The following SEMA4D variants were observed in gnomAD, a reference collection of about 807,000 sequenced individuals.
SEMA4D encodes semaphorin-4D.
A neutral mutation model predicts 74.8 loss-of-function variants in SEMA4D; 22 were observed. That is an observed-to-expected ratio of 0.29 (90% confidence interval 0.21 to 0.42). The LOEUF is 0.42. Among genes scored for constraint, SEMA4D ranks in the 10% least tolerant of loss-of-function variants. The probability of loss-of-function intolerance (pLI) is 1.00; values close to 1 mark genes in which losing one functional copy is unlikely to be tolerated. For synonymous variants in SEMA4D, 445 were observed against 463.7 expected (o/e 0.96, Z 0.52); for missense variants, 937 against 1,118.4 (o/e 0.84, Z 2.31).
At chr9:89,370,402 G>C (rs1281840424) in intron 16 of SEMA4D, among the ~76,000 whole-genome samples, 1 of 150,014 alleles carries the variant, frequency 6.7e-6, no homozygotes, top group Non-Finnish European at 1.5e-5. Flanking sequence ...CGTGGCGTGT[G>C]GTGTGTGTGG....
intron 4 of SEMA4D, among the ~76,000 whole-genome samples, chr9:89,401,321 T>G (rs1408962621): frequency 6.6e-6 from 1 of 152,220 alleles, no homozygotes; most frequent in East Asian, 1.9e-4. Flanking sequence ...CCTCCCACAG[T>G]GTTAGGATAA....
At chr9:89,386,556 A>G (rs1488462269) in intron 12 of SEMA4D, 74 bp from the exon 13 acceptor site, 11 of 883,084 alleles carry the variant, frequency 1.2e-5, no homozygotes, top group Non-Finnish European at 9.4e-6. Flanking sequence ...ACAGCGGCAA[A>G]CTTCACACTC....
At chr9:89,485,511 G>C (rs947214487) in intron 1 of SEMA4D, among the ~76,000 whole-genome samples, 4 of 152,248 alleles carry the variant, frequency 2.6e-5, no homozygotes, top group Admixed American at 2.6e-4. Flanking sequence ...TAACCGGGCT[G>C]GGCACGGTGG....
chr9:89,380,955 AAAAC>A, intron 15 of SEMA4D, 96 bp downstream of exon 15: 1 of 1,440,044 alleles, frequency 6.9e-7, no homozygotes, highest in Non-Finnish European at 9.7e-7. Context: ...TGGAGAAAGA[AAAAC>A]AAAACACACA....
chr9:89,414,026 C>G (rs554681031), intron 2 of SEMA4D, among the ~76,000 whole-genome samples: 2 of 152,280 alleles, frequency 1.3e-5, no homozygotes, highest in African/African-American at 2.4e-5. Flanking sequence ...GAACCATGAA[C>G]CAAAATGCCA....
rs1286357432 is a variant in SEMA4D at position 89,461,123 on chromosome 9, G to GAA, written c.-309-5171_-309-5170insTT. ...ACGAAAGAAAATGTGCATCTCACTG[G>GAA]AGGTCAGAAAAATGCAGATTAAAGC... is the stretch of plus-strand genomic sequence containing the variant. On this transcript the variant is annotated intron_variant, in intron 1 of 15. Transcript: ENST00000422704. Among the ~76,000 whole-genome samples, 724 of 152,160 alleles carry GAA rather than the reference G, an allele frequency of 4.8e-3. 4 individuals are homozygous for GAA. The highest frequency in any genetic ancestry group is 0.017 in the African/African-American group (692 of 41,504).
rs188383591 is a variant in SEMA4D, at chr9:89,470,962, G to A, written c.-309-15009C>T. Among the ~76,000 whole-genome samples, 3 of 152,288 alleles carry A rather than the reference G, an allele frequency of 2.0e-5. No homozygotes were observed. In the East Asian group the frequency reaches 5.8e-4, roughly 29 times the overall value. On this transcript the variant is annotated intron_variant, in intron 1 of 15. Coordinates refer to ENST00000422704, the MANE Select transcript of SEMA4D (RefSeq NM_001371194.2). Reference sequence around the variant, plus strand: ...TAGAATTTCTCTGTATTCTAACTGTGGTCGTGGTTACACCATCTGCACATG... The same window carrying A: ...TAGAATTTCTCTGTATTCTAACTGTAGTCGTGGTTACACCATCTGCACATG...
chr9:89,391,303 C>T lies in SEMA4D; in HGVS notation c.735G>A (p.Val245=). ...FTEVSVEYEF[V]FRVLIPRIAR... is the part of the protein sequence containing the mutation. ...CTATCCGTGGGATCAGCACCCTGAA[C>T]ACAAACTCATACTCCACAGACACCT... The change falls in exon 9 of 16, where the codon GTG becomes GTA. Residue 245 remains valine (V), a synonymous_variant. Transcript: ENST00000422704. The T allele has an allele frequency of 1.2e-6, 2 of 1,614,254 alleles. No homozygotes were observed. Among genetic ancestry groups the T allele is most frequent in the South Asian group, 1.1e-5 (1 of 91,090 alleles).
chr9:89,376,806 A>G (rs1375052831), downstream of SEMA4D: 3 of 1,537,832 alleles, frequency 2.0e-6, no homozygotes, highest in Non-Finnish European at 2.6e-6. Context: ...TGGACAGGGC[A>G]CAGGGGACAG....
At chr9:89,400,658 C>T (rs1842004967) in intron 4 of SEMA4D, among the ~76,000 whole-genome samples, 1 of 152,192 alleles carries the variant, frequency 6.6e-6, no homozygotes, top group African/African-American at 2.4e-5. Flanking sequence ...CTTCCTTCAG[C>T]ATTTAAAGTA....
intron 1 of SEMA4D, among the ~76,000 whole-genome samples, chr9:89,462,526 C>G (rs1398833442): frequency 6.6e-6 from 1 of 152,100 alleles, no homozygotes; most frequent in Non-Finnish European, 1.5e-5. Flanking sequence ...GTTTTCTGTA[C>G]AAAATAGGTG....
intron 13 of SEMA4D, among the ~76,000 whole-genome samples, chr9:89,384,183 G>A (rs534719786): frequency 5.1e-4 from 77 of 152,314 alleles, no homozygotes; most frequent in African/African-American, 1.7e-3. Context: ...TGAGGTATCT[G>A]CACACCCACG....
chr9:89,366,339 C>A (rs1191264720), intron 16 of SEMA4D, among the ~76,000 whole-genome samples: 3 of 152,070 alleles, frequency 2.0e-5, no homozygotes, highest in African/African-American at 7.2e-5. Context: ...AAACTTATAA[C>A]AAACAAGCAT....
chr9:89,385,735 G>A, intron 13 of SEMA4D: 3 of 401,694 alleles, frequency 7.5e-6, no homozygotes, highest in Non-Finnish European at 1.0e-5. Flanking sequence ...CCAGACAGGG[G>A]CCCTCTTCCT....
chr9:89,363,639 G>C, intron 17 of SEMA4D: 3 of 1,591,254 alleles, frequency 1.9e-6, no homozygotes, highest in Non-Finnish European at 1.7e-6. Context: ...AACCCAGAAT[G>C]CCACCGTGCA....
At chr9:89,408,814 C>T (rs1161036226) in intron 2 of SEMA4D, among the ~76,000 whole-genome samples, 1 of 152,258 alleles carries the variant, frequency 6.6e-6, no homozygotes, top group East Asian at 1.9e-4. Context: ...CTCCAAGCCA[C>T]ACCCAGACCC....
At chr9:89,455,424 C>A (rs143926143) in intron 2 of SEMA4D, among the ~76,000 whole-genome samples, 1 of 152,218 alleles carries the variant, frequency 6.6e-6, no homozygotes, top group Admixed American at 6.5e-5. Context: ...CAACTGCCCA[C>A]CAGATCCCGA....
chr9:89,370,731 T>C (rs1355793342), intron 16 of SEMA4D, among the ~76,000 whole-genome samples: 4 of 143,200 alleles, frequency 2.8e-5, no homozygotes, highest in Non-Finnish European at 6.1e-5. Context: ...GTTTGTGGGG[T>C]GTGGTGTGTG....
At chr9:89,467,356 G>A (rs186882910) in intron 1 of SEMA4D, among the ~76,000 whole-genome samples, 113 of 152,190 alleles carry the variant, frequency 7.4e-4, no homozygotes, top group African/African-American at 2.5e-3. Flanking sequence ...ACAGCCATCC[G>A]GTTCCTACAA....
Sources: gnomAD v4.1 joint callset for allele counts (sites outside exome capture counted in the v4.1 genomes callset) on GRCh38, gnomAD v4.1.1 for gene constraint, MANE v1.5 for transcripts, NCBI Gene and HGNC (gene_info 2026-07-23, HGNC 2026-07-21) for gene names.